Variants in NEDD4 observed in about 807,000 individuals in gnomAD.
The protein encoded by NEDD4 is NEDD4 E3 ubiquitin protein ligase.
In NEDD4, 99 loss-of-function variants were observed where a neutral mutation model predicts 144.9. The observed-to-expected ratio is 0.68, with a 90% CI of 0.58 to 0.81. The LOEUF (loss-of-function observed/expected upper bound fraction) is 0.81. Ranked by LOEUF, NEDD4 falls within the 30% of genes least tolerant of loss-of-function variation. The pLI is 0.00. For synonymous variants in NEDD4, 318 were observed against 350.6 expected (o/e 0.91, Z 1.04); for missense variants, 985 against 1,065.9 (o/e 0.92, Z 1.06).
At chr15:55,838,419 G>C (rs1417762619) in intron 22 of NEDD4, 90 bp downstream of exon 22, 2 of 907,134 alleles carry the variant, frequency 2.2e-6, no homozygotes, top group African/African-American at 3.4e-5. Flanking sequence ...TGTAAAAACA[G>C]AGCCTAGGAA....
intron 1 of NEDD4, among the ~76,000 whole-genome samples, chr15:55,979,339 C>T (rs1424300240): frequency 8.5e-3 from 559 of 65,590 alleles, no homozygotes; most frequent in Middle Eastern, 9.6e-3. Context: ...GTTTTTACCT[C>T]TTTTTTTTTT....
intron 5 of NEDD4, among the ~76,000 whole-genome samples, chr15:55,884,426 A>T (rs1304363668): frequency 6.6e-6 from 1 of 152,182 alleles, no homozygotes; most frequent in Non-Finnish European, 1.5e-5. Flanking sequence ...ATCCAGGAAA[A>T]TATGACCTCA....
At chr15:55,986,441 T>C (rs1347339232) in intron 1 of NEDD4, among the ~76,000 whole-genome samples, 2 of 152,120 alleles carry the variant, frequency 1.3e-5, no homozygotes, top group Non-Finnish European at 1.5e-5. Context: ...TCCCCTGGTG[T>C]GATGCATGCG....
At chr15:55,963,506 T>C (rs536250411) in intron 2 of NEDD4, among the ~76,000 whole-genome samples, 2 of 152,334 alleles carry the variant, frequency 1.3e-5, no homozygotes, top group South Asian at 2.1e-4. Flanking sequence ...ATTCAACTTA[T>C]ACTTAGTATT....
chr15:55,916,364 G>C lies in NEDD4; in HGVS notation c.291+8282C>G, dbSNP rs768555128. Reference sequence around the variant, plus strand: ...TGCTGCTGTAAGACCCATTATCACTGGTTGAAAAGTTACTAAGGCTACCAC... The same window carrying C: ...TGCTGCTGTAAGACCCATTATCACTCGTTGAAAAGTTACTAAGGCTACCAC... On this transcript the variant is annotated intron_variant, in intron 5 of 28. Transcript: ENST00000435532. 8 of 1,613,884 alleles carry C rather than the reference G, an allele frequency of 5.0e-6. No homozygotes were observed. In the East Asian group the frequency reaches 1.8e-4, roughly 36 times the overall value.
intron 5 of NEDD4, among the ~76,000 whole-genome samples, chr15:55,879,846 T>C (rs757070537): frequency 3.3e-5 from 5 of 152,092 alleles, no homozygotes; most frequent in African/African-American, 7.2e-5. Context: ...CAATACACTA[T>C]AGGATTCTTC....
rs1350998572 is a variant in NEDD4, at chr15:55,917,258, C to T, written c.291+7388G>A. 7 of 673,034 alleles carry T rather than the reference C, an allele frequency of 1.0e-5. No individual in the cohort carries two copies. The African/African-American group carries it at 1.4e-4, about 13-fold the overall frequency. The allele number at this position is 673,034 out of a possible 1,614,324, so 41.7% of individuals were successfully genotyped here. ...ACAGTATTTTTTCACCCCAGCTCTA[C>T]TAAATGAACATTTAACTATGTGAAT... On this transcript the variant is annotated intron_variant, in intron 5 of 28. Coordinates refer to ENST00000435532, the MANE Select transcript of NEDD4 (RefSeq NM_006154.4).
chr15:55,851,474 T>C (rs866700666), intron 13 of NEDD4, among the ~76,000 whole-genome samples: 12 of 151,382 alleles, frequency 7.9e-5, no homozygotes, highest in African/African-American at 2.7e-4. Flanking sequence ...TTTTACATTT[T>C]CTTTTCTGTT....
Position 55,913,540 on chromosome 15 carries a change from G to A in NEDD4, c.291+11106C>T, listed in dbSNP as rs112113638. On this transcript the variant is annotated intron_variant, in intron 5 of 28. Coordinates refer to ENST00000435532, the MANE Select transcript of NEDD4 (RefSeq NM_006154.4). ...AAGTCTAATAAACATTAAACGGGGG[G>A]ACAATTTAAATCTCCAGCAAACTGC... 1.3e-5 allele frequency among the ~76,000 whole-genome samples: 2 copies of A among 151,902 alleles called. 1 individual carries two copies. Among genetic ancestry groups the A allele is most frequent in the African/African-American group, 4.8e-5 (2 of 41,480 alleles).
chr15:55,907,711 A>C (rs1374633163), intron 5 of NEDD4, among the ~76,000 whole-genome samples: 1 of 152,242 alleles, frequency 6.6e-6, no homozygotes, highest in Non-Finnish European at 1.5e-5. Context: ...TCCAGGAACT[A>C]GTCTGAGAAT....
At chr15:55,976,626 A>ATTTT (rs1566975577) in intron 1 of NEDD4, among the ~76,000 whole-genome samples, 1 of 131,328 alleles carries the variant, frequency 7.6e-6, no homozygotes, top group Non-Finnish European at 1.6e-5. Flanking sequence ...TCTGGGCAAA[A>ATTTT]ATTTTTTTTT....
chr15:55,838,261 A>G, intron 22 of NEDD4, 81 bp from the exon 23 acceptor site: 2 of 1,000,654 alleles, frequency 2.0e-6, no homozygotes, highest in Non-Finnish European at 2.9e-6. Context: ...TATACGAGAA[A>G]CTTGGTGTTT....
At chr15:55,915,862 T>G (rs1226480924) in intron 5 of NEDD4, 3 of 1,613,866 alleles carry the variant, frequency 1.9e-6, no homozygotes, top group Non-Finnish European at 2.5e-6. Flanking sequence ...CGAAGTCCAT[T>G]GACAGCTGTT....
At chr15:55,834,717 G>A (rs1388623147) in intron 24 of NEDD4, among the ~76,000 whole-genome samples, 1 of 152,154 alleles carries the variant, frequency 6.6e-6, no homozygotes, top group Non-Finnish European at 1.5e-5. Flanking sequence ...TCGGCAAAAA[G>A]TGAGATCCTG....
intron 1 of NEDD4, among the ~76,000 whole-genome samples, chr15:55,976,902 G>A (rs375641757): frequency 6.6e-6 from 1 of 151,908 alleles, no homozygotes; most frequent in Admixed American, 6.6e-5. Context: ...CGAAGTGCTG[G>A]GATTACAGGT....
rs952926792 is a variant in NEDD4 at position 55,989,392 on chromosome 15, G to A, written c.45+4119C>T. On this transcript the variant is annotated intron_variant, in intron 1 of 28. Coordinates refer to ENST00000435532, the MANE Select transcript of NEDD4 (RefSeq NM_006154.4). Reference sequence around the variant, plus strand: ...GGCAAAAACAATACATGAAAGATTGGGAGAAATTACTAATACAGCTGCTGC... The same window carrying A: ...GGCAAAAACAATACATGAAAGATTGAGAGAAATTACTAATACAGCTGCTGC... 9.2e-5 allele frequency among the ~76,000 whole-genome samples: 14 copies of A among 152,150 alleles called. 1 individual carries two copies. Among genetic ancestry groups the A allele is most frequent in the Non-Finnish European group, 1.5e-5 (1 of 68,030 alleles).
At chr15:55,973,873 T>A (rs1595884157) in intron 1 of NEDD4, among the ~76,000 whole-genome samples, 1 of 146,674 alleles carries the variant, frequency 6.8e-6, no homozygotes, top group Non-Finnish European at 1.5e-5. Context: ...CTTAAAGAAC[T>A]AGAAAATCAA....
chr15:55,841,432 A>G (rs1357741363), intron 19 of NEDD4, among the ~76,000 whole-genome samples: 1 of 152,188 alleles, frequency 6.6e-6, no homozygotes, highest in Non-Finnish European at 1.5e-5. Flanking sequence ...AGAAAGCAGA[A>G]TGGTGGCTGC....
At chr15:55,830,695 C>A (rs762730598) in intron 27 of NEDD4, 109 bp from the exon 28 acceptor site, 115 of 819,806 alleles carry the variant, frequency 1.4e-4, no homozygotes, top group Middle Eastern at 9.7e-4. Context: ...GGGAACTAAT[C>A]TGGTTTATTT....
Sources: gnomAD v4.1 joint callset for allele counts (sites outside exome capture counted in the v4.1 genomes callset) on GRCh38, gnomAD v4.1.1 for gene constraint, MANE v1.5 for transcripts, NCBI Gene and HGNC (gene_info 2026-07-23, HGNC 2026-07-21) for gene names.